FAM168A: variants seen among roughly 807,000 people sequenced by gnomAD.
FAM168A encodes family with sequence similarity 168 member A, also known as protein FAM168A.
A neutral mutation model predicts 28.5 loss-of-function variants in FAM168A; 3 were observed. That is an observed-to-expected ratio of 0.11 (90% CI 0.05 to 0.27). The LOEUF is 0.27. FAM168A is among the 10% of genes least tolerant of loss of function. FAM168A has a pLI of 1.00. For missense variants in FAM168A, 222 were observed against 311.5 expected, an observed-to-expected ratio of 0.71 and a Z score of 2.16; for synonymous variants, 122 against 124.2, an observed-to-expected ratio of 0.98 and a Z score of 0.12.
intron 1 of FAM168A, among the ~76,000 whole-genome samples, chr11:73,518,412 A>ATATTTTCAT (rs1943332456): frequency 6.6e-6 from 1 of 151,932 alleles, no homozygotes; most frequent in African/African-American, 2.4e-5. Flanking sequence ...ATTAATTAAA[A>ATATTTTCAT]ATTAAAATAT....
At chr11:73,554,409 T>TA (rs1404799097) in intron 1 of FAM168A, among the ~76,000 whole-genome samples, 2 of 151,262 alleles carry the variant, frequency 1.3e-5, no homozygotes, top group Non-Finnish European at 2.9e-5. Flanking sequence ...AATGTTAAAT[T>TA]AAAAAATACT....
At chr11:73,531,802 C>CTTTTTT (rs35314829) in intron 1 of FAM168A, among the ~76,000 whole-genome samples, 6 of 121,796 alleles carry the variant, frequency 4.9e-5, no homozygotes, top group African/African-American at 1.7e-4. Context: ...CCAAGTATCA[C>CTTTTTT]TTTTTTTTTT....
At position 73,579,688 on chromosome 11, in the gene FAM168A, T is replaced by G. The variant is rs78251133; in HGVS notation, c.-19+18235A>C. ...CTGATAAAAGCTAGTGGTAAGCAAT[T>G]TATCCAGTTTATTCCTAATTCACAG... On this transcript the variant is annotated intron_variant, in intron 1 of 7. Transcript: ENST00000356467. Among the ~76,000 whole-genome samples, 1,497 of 152,348 alleles carry G rather than the reference T, an allele frequency of 9.8e-3. 29 individuals are homozygous for G. Among genetic ancestry groups the G allele is most frequent in the African/African-American group, 0.034 (1,396 of 41,566 alleles).
At chr11:73,585,871 C>CAAAAAAAAA (rs11358691) in intron 1 of FAM168A, among the ~76,000 whole-genome samples, 14 of 81,656 alleles carry the variant, frequency 1.7e-4, no homozygotes, top group Non-Finnish European at 2.1e-4. Context: ...CCATCTCAAA[C>CAAAAAAAAA]AAAAAAAAAA....
At chr11:73,548,275 G>A (rs1295958709) in intron 1 of FAM168A, among the ~76,000 whole-genome samples, 1 of 152,132 alleles carries the variant, frequency 6.6e-6, no homozygotes, top group Non-Finnish European at 1.5e-5. Context: ...AAGCAAGCAA[G>A]CTGGGTATAC....
intron 1 of FAM168A, among the ~76,000 whole-genome samples, chr11:73,567,078 T>A (rs1285110860): frequency 6.6e-6 from 1 of 152,122 alleles, no homozygotes; most frequent in African/African-American, 2.4e-5. Flanking sequence ...TCACAGGAGG[T>A]GACCCTGGCA....
intron 1 of FAM168A, among the ~76,000 whole-genome samples, chr11:73,583,108 T>C (rs1275964279): frequency 6.6e-6 from 1 of 152,068 alleles, no homozygotes; most frequent in Non-Finnish European, 1.5e-5. Context: ...ATCAAGACCA[T>C]CCTGGCTAAA....
chr11:73,583,208 CAGG>C (rs1478729191), intron 1 of FAM168A, among the ~76,000 whole-genome samples: 2 of 152,100 alleles, frequency 1.3e-5, no homozygotes, highest in African/African-American at 2.4e-5. Flanking sequence ...GAGGCTGAGG[CAGG>C]AGAATTACTT....
At chr11:73,408,548 G>A (rs1255837979) in intron 6 of FAM168A, among the ~76,000 whole-genome samples, 2 of 152,142 alleles carry the variant, frequency 1.3e-5, no homozygotes, top group Non-Finnish European at 2.9e-5. Context: ...GGAGTCTGAG[G>A]TGGGTGGATC....
intron 1 of FAM168A, among the ~76,000 whole-genome samples, chr11:73,558,787 G>C (rs1335582575): frequency 1.3e-5 from 2 of 152,090 alleles, no homozygotes; most frequent in East Asian, 3.9e-4. Context: ...TTTTAAAAAA[G>C]AAGAAGGAAA....
At chr11:73,559,482 T>C (rs2134702937) in intron 1 of FAM168A, among the ~76,000 whole-genome samples, 1 of 152,114 alleles carries the variant, frequency 6.6e-6, no homozygotes, top group East Asian at 1.9e-4. Flanking sequence ...TACTGATACA[T>C]GCTACAGCAT....
At chr11:73,472,397 CTGAAGTGGAGTAAA>C (rs1284903925) in intron 1 of FAM168A, among the ~76,000 whole-genome samples, 1 of 152,162 alleles carries the variant, frequency 6.6e-6, no homozygotes, top group Non-Finnish European at 1.5e-5. Flanking sequence ...GCCAGTTTAG[CTGAAGTGGAGTAAA>C]TGAAGGGGAA....
chr11:73,407,565 G>T lies in FAM168A; in HGVS notation c.674C>A (p.Thr225Asn). 1.2e-6 allele frequency: 2 copies of T among 1,606,308 alleles called. No homozygotes were observed. Among genetic ancestry groups the T allele is most frequent in the Non-Finnish European group, 8.5e-7 (1 of 1,177,254 alleles). The change falls in exon 7 of 8, where the codon ACC becomes AAC. Residue 225 changes from threonine (T) to asparagine (N), a missense_variant. Thr to Asn is a moderately conservative substitution (Grantham distance 65, BLOSUM62 0). This residue lies in a region of FAM168A where 64 missense variants were observed against 94.6 expected (regional missense o/e 0.68). Transcript: ENST00000356467. ...VSMPTYRAQG[T>N]PAYSYVPPHW ...TGGGGGCACGTAGCTGTACGCAGGG[G>T]TTCCTTGGGCCCTATATGTTGGCAT...
chr11:73,469,552 G>A (rs1009585772), intron 1 of FAM168A, among the ~76,000 whole-genome samples: 1 of 152,134 alleles, frequency 6.6e-6, no homozygotes, highest in Non-Finnish European at 1.5e-5. Context: ...GAGAAAAGGT[G>A]GGCTAACAAG....
chr11:73,424,899 C>T (rs1376021725), intron 3 of FAM168A: 9 of 746,632 alleles, frequency 1.2e-5, no homozygotes, highest in Non-Finnish European at 1.9e-5. Flanking sequence ...GCTGCTGAGC[C>T]ACCTGGGGGG....
chr11:73,511,891 T>C (rs1056144456), intron 1 of FAM168A, among the ~76,000 whole-genome samples: 1 of 152,248 alleles, frequency 6.6e-6, no homozygotes, highest in South Asian at 2.1e-4. Context: ...CTTGCTCCCA[T>C]GTCACAGTGT....
At chr11:73,522,236 T>C (rs997377450) in intron 1 of FAM168A, among the ~76,000 whole-genome samples, 1 of 149,760 alleles carries the variant, frequency 6.7e-6, no homozygotes, top group Non-Finnish European at 1.5e-5. Flanking sequence ...GCTGCAGAAC[T>C]GACATTTTGG....
At chr11:73,489,663 A>C (rs924431582) in intron 1 of FAM168A, among the ~76,000 whole-genome samples, 2 of 152,072 alleles carry the variant, frequency 1.3e-5, no homozygotes, top group African/African-American at 4.8e-5. Context: ...GGCACATGCC[A>C]CCACTCCTGG....
chr11:73,445,624 C>T (rs1867298606), intron 2 of FAM168A, among the ~76,000 whole-genome samples: 4 of 151,668 alleles, frequency 2.6e-5, no homozygotes, highest in Admixed American at 2.6e-4. Context: ...GAGACTTTGT[C>T]AACAGGCTGG....
Sources: gnomAD v4.1 joint callset for allele counts (sites outside exome capture counted in the v4.1 genomes callset) on GRCh38, gnomAD v4.1.1 for gene constraint, gnomAD v4.1.1 regional missense constraint, MANE v1.5 for transcripts, NCBI Gene and HGNC (gene_info 2026-07-23, HGNC 2026-07-21) for gene names.